The following MRPL48 variants were observed in gnomAD, a reference collection of about 807,000 sequenced individuals.
The protein encoded by MRPL48 is large ribosomal subunit protein mL48.
Under a neutral mutation model 32.9 loss-of-function variants are expected in MRPL48, and 16 were observed. The observed-to-expected ratio is 0.49, with a 90% CI of 0.33 to 0.74. The LOEUF (loss-of-function observed/expected upper bound fraction) is 0.74. MRPL48 is among the 30% of genes least tolerant of loss of function. MRPL48 has a pLI of 0.02. For missense variants in MRPL48, 206 were observed against 245.3 expected (o/e 0.84, Z 1.07); for synonymous variants, 94 against 89.2 (o/e 1.05, Z -0.31).
chr11:73,811,847 T>C (rs1253694241), intron 3 of MRPL48, among the ~76,000 whole-genome samples: 1 of 152,200 alleles, frequency 6.6e-6, no homozygotes, highest in Non-Finnish European at 1.5e-5. Context: ...ACTTAAACTG[T>C]ACAAAAGTGT....
intron 3 of MRPL48, among the ~76,000 whole-genome samples, chr11:73,810,550 T>C (rs915021716): frequency 9.2e-6 from 1 of 108,454 alleles, no homozygotes; most frequent in Non-Finnish European, 1.8e-5. Context: ...AAGGATGTTT[T>C]CTTTCTTTAT....
intron 3 of MRPL48, among the ~76,000 whole-genome samples, chr11:73,824,760 G>T (rs1211379837): frequency 6.6e-6 from 1 of 152,072 alleles, no homozygotes; most frequent in Non-Finnish European, 1.5e-5. Flanking sequence ...TGCCTGTTGA[G>T]GAACAAGAAG....
chr11:73,795,464 G>A (rs1387894103), intron 1 of MRPL48, among the ~76,000 whole-genome samples: 1 of 151,478 alleles, frequency 6.6e-6, no homozygotes, highest in Non-Finnish European at 1.5e-5. Context: ...AAGTTTTCTT[G>A]TGACTCTTTT....
Position 73,819,260 on chromosome 11 carries a change from T to G in MRPL48, c.113-6448T>G, listed in dbSNP as rs188190851. ...TTATAGGAATTGCTCCAAACTGAATTTTAAAATGCCTCCTTGCCAAGGAAT... is the reference window on the plus strand; with the variant it reads ...TTATAGGAATTGCTCCAAACTGAATGTTAAAATGCCTCCTTGCCAAGGAAT... On this transcript the variant is annotated intron_variant, in intron 3 of 7. Coordinates refer to ENST00000310614, the MANE Select transcript of MRPL48 (RefSeq NM_016055.6). Among the ~76,000 whole-genome samples, 581 of 152,328 alleles carry G rather than the reference T, an allele frequency of 3.8e-3. 4 individuals carry two copies. Among genetic ancestry groups the G allele is most frequent in the Non-Finnish European group, 6.4e-3 (438 of 68,020 alleles).
At chr11:73,815,365 G>A (rs1947644928) in intron 3 of MRPL48, among the ~76,000 whole-genome samples, 1 of 152,010 alleles carries the variant, frequency 6.6e-6, no homozygotes, top group South Asian at 2.1e-4. Context: ...GGTGAGCCGA[G>A]ACCACGCCAT....
intron 3 of MRPL48, among the ~76,000 whole-genome samples, chr11:73,814,896 G>A (rs1304324354): frequency 6.6e-6 from 1 of 151,888 alleles, no homozygotes; most frequent in Non-Finnish European, 1.5e-5. Flanking sequence ...TCCGGCAGCT[G>A]AAGGAGAATC....
At chr11:73,863,332 C>G in intron 7 of MRPL48, 71 bp downstream of exon 7, 2 of 1,270,792 alleles carry the variant, frequency 1.6e-6, no homozygotes, top group Non-Finnish European at 2.2e-6. Context: ...AACATCTGGA[C>G]TTCCTGGCTT....
At chr11:73,818,370 T>C (rs1230989867) in intron 3 of MRPL48, among the ~76,000 whole-genome samples, 1 of 152,200 alleles carries the variant, frequency 6.6e-6, no homozygotes, top group African/African-American at 2.4e-5. Context: ...CTTAGAGTGC[T>C]CTCATTACAG....
chr11:73,830,798 A>G (rs1947979515), intron 4 of MRPL48, among the ~76,000 whole-genome samples: 1 of 151,976 alleles, frequency 6.6e-6, no homozygotes, highest in Non-Finnish European at 1.5e-5. Context: ...GGAAGGGGGT[A>G]TCTACTTCAT....
intron 5 of MRPL48, among the ~76,000 whole-genome samples, chr11:73,857,430 C>T (rs1303994171): frequency 1.3e-5 from 2 of 151,318 alleles, no homozygotes; most frequent in Non-Finnish European, 2.9e-5. Context: ...CTGCGCCCGA[C>T]CGACTTTTTT....
intron 1 of MRPL48, among the ~76,000 whole-genome samples, chr11:73,791,132 G>A (rs539505268): frequency 2.7e-5 from 4 of 150,890 alleles, no homozygotes; most frequent in East Asian, 2.0e-4. Flanking sequence ...GCAATCTGCC[G>A]CCTGGGCCTC....
In MRPL48 at chr11:73,856,951, C is replaced by T. The variant is rs541003690; in HGVS notation, c.372-2956C>T. On this transcript the variant is annotated intron_variant, in intron 5 of 7. Transcript: ENST00000310614. ...ATACGTACTTTTACATACTTAAAGG[C>T]CTGTTCTACATCTTGATAAATCACT... 7.2e-5 allele frequency among the ~76,000 whole-genome samples: 11 copies of T among 152,200 alleles called. No individual in the cohort carries two copies. In the South Asian group the frequency reaches 8.3e-4, roughly 12 times the overall value.
intron 4 of MRPL48, among the ~76,000 whole-genome samples, chr11:73,836,760 A>G (rs1317154817): frequency 1.3e-5 from 2 of 152,184 alleles, no homozygotes; most frequent in Admixed American, 1.3e-4. Flanking sequence ...TTTCCATTTC[A>G]TATAAATTCA....
chr11:73,827,939 T>C (rs1438994235), intron 4 of MRPL48, among the ~76,000 whole-genome samples: 2 of 152,226 alleles, frequency 1.3e-5, no homozygotes, highest in African/African-American at 4.8e-5. Flanking sequence ...CTGCCACTTT[T>C]CTGCCTTGTG....
chr11:73,804,992 C>T (rs1360365872), intron 1 of MRPL48, 35 bp from the exon 2 acceptor site: 2 of 1,567,098 alleles, frequency 1.3e-6, no homozygotes, highest in South Asian at 2.4e-5. Context: ...TCTATAAATG[C>T]TTAAGATTGT....
At chr11:73,858,653 C>G (rs973476953) in intron 5 of MRPL48, among the ~76,000 whole-genome samples, 1 of 152,194 alleles carries the variant, frequency 6.6e-6, no homozygotes, top group African/African-American at 2.4e-5. Context: ...TTTTGTGACA[C>G]ATGAAAATTT....
In MRPL48 at chr11:73,825,727, C is replaced by G; in HGVS notation, c.132C>G (p.Ile44Met). ...IYSVGGILLS[I>M]SRPYKTKPTH... Reference sequence around the variant, plus strand: ...TTTTAGGTGGAATTCTACTAAGTATCAGTCGGCCCTACAAGACAAAGCCCA... The same window carrying G: ...TTTTAGGTGGAATTCTACTAAGTATGAGTCGGCCCTACAAGACAAAGCCCA... The change falls in exon 4 of 8, where the codon ATC becomes ATG. Residue 44 changes from isoleucine to methionine, a missense_variant. By Grantham distance (10) the Ile-to-Met change is conservative. Coordinates refer to ENST00000310614, the MANE Select transcript of MRPL48 (RefSeq NM_016055.6). The G allele has an allele frequency of 6.4e-7, 1 of 1,564,728 alleles. No homozygotes were observed. Among genetic ancestry groups the G allele is most frequent in the South Asian group, 1.2e-5 (1 of 84,726 alleles).
At chr11:73,788,472 C>CTTTTTT (rs11352308) in intron 1 of MRPL48, among the ~76,000 whole-genome samples, 19 of 109,586 alleles carry the variant, frequency 1.7e-4, no homozygotes, top group East Asian at 2.5e-4. Context: ...TCTTTTCTTT[C>CTTTTTT]TTTTTTTTTT....
intron 1 of MRPL48, among the ~76,000 whole-genome samples, chr11:73,798,417 C>T (rs751311477): frequency 6.6e-5 from 10 of 151,978 alleles, no homozygotes; most frequent in Non-Finnish European, 1.0e-4. Context: ...TTTAAAAGAA[C>T]TTGAGAAAAC....
Sources: gnomAD v4.1 joint callset for allele counts (sites outside exome capture counted in the v4.1 genomes callset) on GRCh38, gnomAD v4.1.1 for gene constraint, MANE v1.5 for transcripts, NCBI Gene and HGNC (gene_info 2026-07-23, HGNC 2026-07-21) for gene names.